MTUS1: variants seen among roughly 807,000 people sequenced by gnomAD.
MTUS1 encodes the protein microtubule-associated tumor suppressor 1.
MTUS1 carries 109 observed loss-of-function variants against 120.8 expected under a neutral mutation model. That is an observed-to-expected ratio of 0.90 (90% CI 0.77 to 1.06). The LOEUF (loss-of-function observed/expected upper bound fraction) is 1.06, where lower values mean the gene tolerates loss of function less well. Ranked by LOEUF, MTUS1 falls within the 50% of genes least tolerant of loss-of-function variation. The probability of loss-of-function intolerance (pLI) is 0.00; values close to 1 mark genes in which losing one functional copy is unlikely to be tolerated. For missense variants in MTUS1, 2,210 were observed against 1,486.3 expected (o/e 1.49, Z -8.01); for synonymous variants, 737 against 550.5 (o/e 1.34, Z -4.74).
intron 1 of MTUS1, among the ~76,000 whole-genome samples, chr8:17,781,154 C>G (rs1385323048): frequency 6.6e-6 from 1 of 152,208 alleles, no homozygotes; most frequent in East Asian, 1.9e-4. Context: ...CTCAAGTGAT[C>G]TGTTTCCACC....
intron 8 of MTUS1, among the ~76,000 whole-genome samples, chr8:17,656,649 G>C (rs985937664): frequency 1.3e-5 from 2 of 148,552 alleles, no homozygotes; most frequent in Non-Finnish European, 3.0e-5. Context: ...GTGGTGACCA[G>C]TCAATGCAGT....
rs750668951 is a variant in MTUS1, at chr8:17,646,149, A to G, written c.3600-10T>C. ...CTCCGTGGAAAGCTGCCTTGAAGAA[A>G]AAGGCCAGAAACCATGAGATCTATG... On this transcript the variant is annotated splice_polypyrimidine_tract_variant and intron_variant, in intron 14 of 14. Transcript: ENST00000693296. 3.1e-6 allele frequency: 5 copies of G among 1,601,046 alleles called. No homozygotes were observed. The highest frequency in any genetic ancestry group is 2.2e-5 in the East Asian group (1 of 44,782).
intron 1 of MTUS1, among the ~76,000 whole-genome samples, chr8:17,776,658 G>T (rs2050457679): frequency 8.1e-6 from 1 of 123,254 alleles, no homozygotes; most frequent in Non-Finnish European, 1.6e-5. Context: ...CAGCCTGGGT[G>T]ACTGAGTGAG....
chr8:17,687,618 G>A (rs1020301293), intron 6 of MTUS1, among the ~76,000 whole-genome samples: 11 of 152,078 alleles, frequency 7.2e-5, no homozygotes, highest in Non-Finnish European at 1.6e-4. Context: ...AAAATTAAAC[G>A]TCAACTTCTA....
chr8:17,653,559 A>C, intron 10 of MTUS1, 61 bp from the exon 11 acceptor site: 1 of 1,221,372 alleles, frequency 8.2e-7, no homozygotes, highest in Non-Finnish European at 1.2e-6. Flanking sequence ...TGTACTCTAA[A>C]ACAGTTAAAG....
intron 6 of MTUS1, among the ~76,000 whole-genome samples, chr8:17,704,358 C>T (rs1158003088): frequency 1.3e-5 from 2 of 152,136 alleles, no homozygotes; most frequent in Non-Finnish European, 2.9e-5. Flanking sequence ...AGAAAAATGA[C>T]ATGAAGTTTT....
chr8:17,646,115 A>C lies in MTUS1; in HGVS notation c.3624T>G (p.Val1208=), dbSNP rs773915553. 19 of 1,613,238 alleles carry C rather than the reference A, an allele frequency of 1.2e-5. No homozygotes were observed. In the East Asian group the frequency reaches 4.0e-4, roughly 34 times the overall value. The part of the protein sequence containing the change: ...ISRQLSTEQA[V]LQESLEKESK... ...ACTCCTTCTCCAGCGACTCTTGCAG[A>C]ACAGCCTGCTCCGTGGAAAGCTGCC... The change falls in exon 15 of 15, where the codon GTT becomes GTG. Residue 1208 remains valine, a synonymous_variant. Coordinates refer to ENST00000693296, the MANE Select transcript of MTUS1 (RefSeq NM_001363059.2).
chr8:17,798,678 A>C (rs557520828), intron 1 of MTUS1, among the ~76,000 whole-genome samples: 61 of 152,216 alleles, frequency 4.0e-4, no homozygotes, highest in African/African-American at 6.8e-4. Context: ...ATAGTTCTGA[A>C]GCTACGATTT....
intron 8 of MTUS1, among the ~76,000 whole-genome samples, chr8:17,663,052 C>G (rs571847932): frequency 6.6e-6 from 1 of 151,722 alleles, no homozygotes; most frequent in African/African-American, 2.4e-5. Context: ...TCATGGATAT[C>G]TCAGCAAGAA....
At chr8:17,731,112 G>C (rs2046545187) in intron 3 of MTUS1, among the ~76,000 whole-genome samples, 1 of 152,176 alleles carries the variant, frequency 6.6e-6, no homozygotes, top group Non-Finnish European at 1.5e-5. Flanking sequence ...ATACATCTCA[G>C]AGATATAAAA....
chr8:17,787,462 G>T (rs535409083), intron 1 of MTUS1, among the ~76,000 whole-genome samples: 1 of 152,278 alleles, frequency 6.6e-6, no homozygotes. Context: ...GTGTAATCTT[G>T]ATCTATTTCC....
intron 3 of MTUS1, among the ~76,000 whole-genome samples, chr8:17,742,291 GTTT>G (rs1237059839): frequency 2.1e-5 from 2 of 94,700 alleles, no homozygotes; most frequent in Non-Finnish European, 3.8e-5. Flanking sequence ...TGTTGTTGTT[GTTT>G]TTTTTTTTTT....
At chr8:17,774,521 T>C (rs2131472442) in intron 1 of MTUS1, among the ~76,000 whole-genome samples, 1 of 152,284 alleles carries the variant, frequency 6.6e-6, no homozygotes, top group South Asian at 2.1e-4. Flanking sequence ...ACATCATTAG[T>C]CTTTAGCGAG....
chr8:17,759,401 C>T (rs554336552), intron 1 of MTUS1, among the ~76,000 whole-genome samples: 9 of 151,480 alleles, frequency 5.9e-5, no homozygotes, highest in African/African-American at 1.9e-4. Flanking sequence ...GTAGCTGTGA[C>T]TACAGGTATG....
At chr8:17,659,240 A>G (rs1317621859) in intron 8 of MTUS1, among the ~76,000 whole-genome samples, 1 of 152,192 alleles carries the variant, frequency 6.6e-6, no homozygotes, top group Non-Finnish European at 1.5e-5. Flanking sequence ...GGCAAGGCGC[A>G]TGATGGGGCC....
At chr8:17,715,645 C>A in intron 5 of MTUS1, 122 bp downstream of exon 5, 3 of 1,037,544 alleles carry the variant, frequency 2.9e-6, no homozygotes, top group Non-Finnish European at 4.1e-6. Flanking sequence ...TATCTCCTTT[C>A]TCAACATATT....
chr8:17,764,795 C>G (rs1287521843), intron 1 of MTUS1, among the ~76,000 whole-genome samples: 2 of 152,244 alleles, frequency 1.3e-5, no homozygotes, highest in African/African-American at 4.8e-5. Context: ...GCTTGCTGAC[C>G]CCTGAACTAG....
intron 1 of MTUS1, among the ~76,000 whole-genome samples, chr8:17,768,672 C>G (rs1025984747): frequency 1.3e-5 from 2 of 151,900 alleles, no homozygotes; most frequent in African/African-American, 2.4e-5. Context: ...TACAAACAGT[C>G]AAAAATTATC....
intron 6 of MTUS1, among the ~76,000 whole-genome samples, chr8:17,692,383 A>G (rs141730222): frequency 1.3e-5 from 2 of 152,120 alleles, no homozygotes; most frequent in African/African-American, 4.8e-5. Context: ...AACAATCATG[A>G]GGACACGGCT....
Sources: gnomAD v4.1 joint callset for allele counts (sites outside exome capture counted in the v4.1 genomes callset) on GRCh38, gnomAD v4.1.1 for gene constraint, MANE v1.5 for transcripts, NCBI Gene and HGNC (gene_info 2026-07-23, HGNC 2026-07-21) for gene names.